The following CTNNA2 variants were observed in gnomAD, a reference collection of about 807,000 sequenced individuals.
CTNNA2 encodes catenin alpha 2.
Under a neutral mutation model 101.0 loss-of-function variants are expected in CTNNA2, and 42 were observed. The ratio of observed to expected loss-of-function variants is 0.42; its 90% confidence interval spans 0.32 to 0.54. CTNNA2 has a LOEUF of 0.54. Ranked by LOEUF, CTNNA2 falls within the 20% of genes least tolerant of loss-of-function variation. The pLI is 0.14. For synonymous variants in CTNNA2, 450 were observed against 456.4 expected (o/e 0.99, Z 0.18); for missense variants, 871 against 1,223.1 (o/e 0.71, Z 4.29).
At chr2:79,634,687 A>G (rs1197803587) in intron 1 of CTNNA2, 1 of 152,324 alleles carries the variant, frequency 6.6e-6, no homozygotes, top group Non-Finnish European at 1.5e-5. Flanking sequence ...TTGAGTCTCA[A>G]AACATAACCA....
chr2:80,572,823 A>ATGGAGTATATATC (rs1694714616), intron 12 of CTNNA2: 1 of 152,234 alleles, frequency 6.6e-6, no homozygotes, highest in South Asian at 2.1e-4. Flanking sequence ...ATAGTAATTC[A>ATGGAGTATATATC]TCCATAGAAG....
At chr2:80,317,246 A>G (rs1678216999) in intron 7 of CTNNA2, among the ~76,000 whole-genome samples, 1 of 152,190 alleles carries the variant, frequency 6.6e-6, no homozygotes, top group Non-Finnish European at 1.5e-5. Flanking sequence ...AAATGTTGAC[A>G]AACATTCACC....
chr2:79,757,361 G>T (rs1192567202), intron 3 of CTNNA2, among the ~76,000 whole-genome samples: 1 of 152,168 alleles, frequency 6.6e-6, no homozygotes, highest in Non-Finnish European at 1.5e-5. Context: ...TTTTTAAGCT[G>T]ACTTGCAAAG....
intron 9 of CTNNA2, among the ~76,000 whole-genome samples, chr2:80,533,719 T>C (rs1326663968): frequency 6.6e-6 from 1 of 152,182 alleles, no homozygotes; most frequent in Non-Finnish European, 1.5e-5. Context: ...AGTTGAGATT[T>C]CATTTACTTA....
At chr2:80,112,326 C>G (rs1701266106) in intron 7 of CTNNA2, among the ~76,000 whole-genome samples, 2 of 152,108 alleles carry the variant, frequency 1.3e-5, no homozygotes, top group African/African-American at 4.8e-5. Context: ...AACACAAATA[C>G]TCTCATTCAA....
intron 9 of CTNNA2, among the ~76,000 whole-genome samples, chr2:80,513,701 A>G (rs1359006399): frequency 6.6e-6 from 1 of 152,220 alleles, no homozygotes; most frequent in Non-Finnish European, 1.5e-5. Context: ...TAACACGCAT[A>G]ATTTATCTTC....
chr2:79,949,526 G>C (rs1051144520), intron 7 of CTNNA2, among the ~76,000 whole-genome samples: 14 of 152,130 alleles, frequency 9.2e-5, no homozygotes, highest in African/African-American at 2.9e-4. Context: ...CCAGTACTTT[G>C]GGAGGCAAAG....
intron 1 of CTNNA2, among the ~76,000 whole-genome samples, chr2:79,513,711 A>C (rs1447445064): frequency 1.7e-5 from 2 of 117,968 alleles, no homozygotes; most frequent in African/African-American, 6.6e-5. Flanking sequence ...TCGAAGAAGA[A>C]TCTGTGGATT....
intron 7 of CTNNA2, among the ~76,000 whole-genome samples, chr2:80,074,888 A>G (rs948546225): frequency 1.3e-5 from 2 of 152,172 alleles, no homozygotes; most frequent in Non-Finnish European, 2.9e-5. Context: ...GCTGAACCCT[A>G]TTTGAACTTA....
rs553991566 is a variant in CTNNA2, at chr2:79,640,735, T to A, written c.-5-10817T>A. ...AAAGTACAAATAAATATTTGGATAT[T>A]TCATATGTTCACATTTAATCAACAA... On this transcript the variant is annotated intron_variant, in intron 1 of 18. Coordinates refer to ENST00000402739, the MANE Select transcript of CTNNA2 (RefSeq NM_001282597.3). Among the ~76,000 whole-genome samples the A allele has an allele frequency of 2.8e-4, 43 of 152,314 alleles. 1 individual carries two copies. The South Asian group carries it at 8.9e-3, about 32-fold the overall frequency.
intron 1 of CTNNA2, among the ~76,000 whole-genome samples, chr2:79,564,747 AAT>A (rs1675003358): frequency 6.6e-6 from 1 of 152,170 alleles, no homozygotes. Flanking sequence ...GAGTAGAAAG[AAT>A]ATATGTCATA....
chr2:79,623,432 T>A (rs1459925703), intron 1 of CTNNA2, among the ~76,000 whole-genome samples: 1 of 152,188 alleles, frequency 6.6e-6, no homozygotes, highest in Non-Finnish European at 1.5e-5. Flanking sequence ...ATTTGTGATC[T>A]AGACTCTTGT....
At chr2:80,542,318 G>A (rs11899156) in intron 9 of CTNNA2, among the ~76,000 whole-genome samples, 80,188 of 151,698 alleles carry the variant, frequency 0.53, 22,585 homozygotes, top group African/African-American at 0.74. Context: ...CTTTTTTCCA[G>A]CAGTTTTTAA....
upstream of CTNNA2, among the ~76,000 whole-genome samples, chr2:79,512,807 G>A (rs1255795392): frequency 6.6e-6 from 1 of 150,988 alleles, no homozygotes; most frequent in Non-Finnish European, 1.5e-5. Flanking sequence ...CCCAGGCCGC[G>A]CGCGCCCGCG....
chr2:79,928,774 A>G (rs890599983), intron 7 of CTNNA2, among the ~76,000 whole-genome samples: 1 of 152,166 alleles, frequency 6.6e-6, no homozygotes, highest in African/African-American at 2.4e-5. Context: ...TTGAAATCTC[A>G]CTGGGAAATG....
intron 18 of CTNNA2, among the ~76,000 whole-genome samples, chr2:80,635,940 C>A (rs922925521): frequency 4.8e-5 from 7 of 144,432 alleles, no homozygotes; most frequent in African/African-American, 1.8e-4. Context: ...AGAGTATTGA[C>A]AAGTATGGGT....
At chr2:80,166,533 T>A (rs1005300906) in intron 7 of CTNNA2, among the ~76,000 whole-genome samples, 6 of 152,206 alleles carry the variant, frequency 3.9e-5, no homozygotes, top group Non-Finnish European at 5.9e-5. Flanking sequence ...ATACCTTAGC[T>A]TATTCATCTC....
At chr2:80,354,351 T>A (rs1673583752) in intron 7 of CTNNA2, among the ~76,000 whole-genome samples, 1 of 152,126 alleles carries the variant, frequency 6.6e-6, no homozygotes, top group Non-Finnish European at 1.5e-5. Flanking sequence ...ATAAAGGTGC[T>A]TGATTTGAAA....
chr2:79,678,163 T>G (rs1511185), intron 2 of CTNNA2, among the ~76,000 whole-genome samples: 3,009 of 152,316 alleles, frequency 0.02, 81 homozygotes, highest in Admixed American at 0.067. Flanking sequence ...GTAAATTGCC[T>G]GATTATGAGG....
Sources: gnomAD v4.1 joint callset for allele counts (sites outside exome capture counted in the v4.1 genomes callset) on GRCh38, gnomAD v4.1.1 for gene constraint, MANE v1.5 for transcripts, NCBI Gene and HGNC (gene_info 2026-07-23, HGNC 2026-07-21) for gene names.